Variants in GPRC5A observed in about 807,000 individuals in gnomAD.
The protein encoded by GPRC5A is G protein-coupled receptor class C group 5 member A.
A neutral mutation model predicts 22.5 loss-of-function variants in GPRC5A; 19 were observed. The observed-to-expected ratio is 0.85, with a 90% CI of 0.59 to 1.24. The LOEUF is 1.24. GPRC5A is among the 50% of genes most tolerant of loss of function. The pLI, the probability that GPRC5A is intolerant of heterozygous loss-of-function variation, is 0.00. For synonymous variants in GPRC5A, 192 were observed against 184.5 expected (o/e 1.04, Z -0.33); for missense variants, 471 against 451.1 (o/e 1.04, Z -0.40).
At chr12:12,911,739 C>G (rs138373064) in intron 2 of GPRC5A, among the ~76,000 whole-genome samples, 2 of 152,142 alleles carry the variant, frequency 1.3e-5, no homozygotes, top group East Asian at 3.9e-4. Flanking sequence ...CTGCCCACCT[C>G]GGCCGCCCAA....
intron 2 of GPRC5A, among the ~76,000 whole-genome samples, chr12:12,910,785 T>C (rs1863995315): frequency 6.6e-6 from 1 of 152,134 alleles, no homozygotes; most frequent in South Asian, 2.1e-4. Context: ...CTGTTATTTA[T>C]GTACCTGTCA....
rs945231365 is a variant in GPRC5A, at chr12:12,917,914, T to C, written c.*5375T>C. On this transcript the variant is annotated 3_prime_UTR_variant, in exon 4 of 4. Coordinates refer to ENST00000014914, the MANE Select transcript of GPRC5A (RefSeq NM_003979.4). ...ATTTTCTAATCAGAGACAATAACATTTTAAATAAAACAACGACAAAGAAGT... is the reference window on the plus strand; with the variant it reads ...ATTTTCTAATCAGAGACAATAACATCTTAAATAAAACAACGACAAAGAAGT... 7.9e-5 allele frequency: 12 copies of C among 152,070 alleles called. No homozygotes were observed. Among genetic ancestry groups the C allele is most frequent in the African/African-American group, 2.9e-4 (12 of 41,340 alleles). The allele number at this position is 152,070 out of a possible 1,614,324, so 9.4% of individuals were successfully genotyped here. A position where few individuals can be genotyped will look rare whatever the true frequency, so the allele number is the denominator to read the frequency against.
chr12:12,904,450 A>C (rs1459660406), intron 1 of GPRC5A, among the ~76,000 whole-genome samples: 1 of 152,126 alleles, frequency 6.6e-6, no homozygotes, highest in African/African-American at 2.4e-5. Context: ...TGACAGACCC[A>C]CTGTGAGGGA....
In GPRC5A at chr12:12,910,159, C is replaced by G. The variant is rs149760237; in HGVS notation, c.922+988C>G. On this transcript the variant is annotated intron_variant, in intron 2 of 3. Transcript: ENST00000014914. ...GTGGTTTTGGGATAGGAATGAGGAA[C>G]CTCCAAGGCCATGTTCTTAGCTCCA... Among the ~76,000 whole-genome samples, 6 of 152,190 alleles carry G rather than the reference C, an allele frequency of 3.9e-5. No homozygotes were observed. In the East Asian group the frequency reaches 1.2e-3, roughly 29 times the overall value.
intron 1 of GPRC5A, among the ~76,000 whole-genome samples, chr12:12,900,915 A>C (rs1208781116): frequency 2.4e-5 from 2 of 83,980 alleles, no homozygotes; most frequent in Non-Finnish European, 4.5e-5. Context: ...AAAAAAAAAC[A>C]AAAAAAAAAC....
In GPRC5A at chr12:12,915,465, G is replaced by A. The variant is rs1308809259; in HGVS notation, c.*2926G>A. On this transcript the variant is annotated 3_prime_UTR_variant, in exon 4 of 4. Transcript: ENST00000014914. ...CTGCTTTGGCCTCCCACAAGTGCTGGGATTACAGGCGTGAGCTACTGCACC... is the reference window on the plus strand; with the variant it reads ...CTGCTTTGGCCTCCCACAAGTGCTGAGATTACAGGCGTGAGCTACTGCACC... 6.6e-6 allele frequency: 1 copy of A among 152,560 alleles called. No individual in the cohort carries two copies. The highest frequency in any genetic ancestry group is 1.5e-5 in the Non-Finnish European group (1 of 68,336). 9.5% of individuals were successfully genotyped at this position (152,560 alleles called of 1,614,324 possible).
rs149812484 is a variant in GPRC5A, at chr12:12,906,578, A to C, written c.-7-1665A>C. Among the ~76,000 whole-genome samples the C allele has an allele frequency of 4.4e-3, 674 of 152,252 alleles. 8 individuals carry two copies. Among genetic ancestry groups the C allele is most frequent in the Non-Finnish European group, 7.1e-3 (480 of 68,006 alleles). The stretch of plus-strand genomic sequence containing the variant: ...TGTTCCCCCCATCCCCCCAAAAAGG[A>C]GTAAAAATTGGAGCAATACTAAAAA... On this transcript the variant is annotated intron_variant, in intron 1 of 3. Transcript: ENST00000014914.
At position 12,908,506 on chromosome 12, in the gene GPRC5A, T is replaced by A. The variant is rs778320067; in HGVS notation, c.257T>A (p.Ile86Asn). The change falls in exon 2 of 4, where the codon ATC becomes AAC. Residue 86 changes from isoleucine (I) to asparagine (N), a missense_variant. Ile to Asn is a moderately radical substitution (Grantham distance 149, BLOSUM62 -3). Coordinates refer to ENST00000014914, the MANE Select transcript of GPRC5A (RefSeq NM_003979.4). ...LGIFGLTFAF[I>N]IGLDGSTGPT... ...ATCTTTGGCCTCACCTTCGCCTTCA[T>A]CATCGGACTGGACGGGAGCACAGGG... 24 of 1,614,062 alleles carry A rather than the reference T, an allele frequency of 1.5e-5. No homozygotes were observed. In the African/African-American group the frequency reaches 2.3e-4, roughly 15 times the overall value.
intron 1 of GPRC5A, among the ~76,000 whole-genome samples, chr12:12,897,095 C>T (rs971947958): frequency 4.0e-5 from 6 of 151,754 alleles, no homozygotes; most frequent in African/African-American, 9.7e-5. Context: ...GATGTGGTGG[C>T]GCATGCTTGT....
chr12:12,899,573 C>G (rs993142049), intron 1 of GPRC5A, among the ~76,000 whole-genome samples: 2 of 152,066 alleles, frequency 1.3e-5, no homozygotes, highest in Non-Finnish European at 2.9e-5. Flanking sequence ...ATAAAATGGG[C>G]TGTAGGAATG....
chr12:12,909,245 TA>T (rs1863979320), intron 2 of GPRC5A, 74 bp downstream of exon 2: 2 of 1,046,580 alleles, frequency 1.9e-6, no homozygotes, highest in South Asian at 1.6e-5. Context: ...ATTATAACTG[TA>T]AGGAACATGC....
At chr12:12,906,615 G>A (rs1281195111) in intron 1 of GPRC5A, among the ~76,000 whole-genome samples, 2 of 152,156 alleles carry the variant, frequency 1.3e-5, no homozygotes, top group African/African-American at 4.8e-5. Context: ...GAACATGTTA[G>A]CTATGAAGAT....
chr12:12,897,414 G>T (rs1231692359), intron 1 of GPRC5A, among the ~76,000 whole-genome samples: 5 of 120,238 alleles, frequency 4.2e-5, no homozygotes, highest in Non-Finnish European at 8.1e-5. Context: ...AGCATGAGAA[G>T]ACCTTAAATG....
At chr12:12,900,923 A>AACAAAAAAC (rs1863880875) in intron 1 of GPRC5A, among the ~76,000 whole-genome samples, 1 of 109,878 alleles carries the variant, frequency 9.1e-6, no homozygotes, top group Non-Finnish European at 1.9e-5. Context: ...ACAAAAAAAA[A>AACAAAAAAC]ACAACCCAGA....
At chr12:12,911,136 G>T (rs1223804457) in intron 2 of GPRC5A, among the ~76,000 whole-genome samples, 3 of 152,110 alleles carry the variant, frequency 2.0e-5, no homozygotes, top group Non-Finnish European at 2.9e-5. Flanking sequence ...CTTCCAAAGT[G>T]CTGGGATTAC....
intron 1 of GPRC5A, among the ~76,000 whole-genome samples, chr12:12,894,772 G>GTTT (rs56794431): frequency 0.063 from 4,253 of 67,438 alleles, 892 homozygotes; most frequent in Middle Eastern, 0.086. Context: ...GTCTAGGATG[G>GTTT]TTTTTTTTTT....
At position 12,912,635 on chromosome 12, in the gene GPRC5A, G is replaced by C. The variant is rs1049919711; in HGVS notation, c.*96G>C. The C allele has an allele frequency of 1.3e-6, 1 of 758,274 alleles. No homozygotes were observed. Among genetic ancestry groups the C allele is most frequent in the Non-Finnish European group, 2.3e-6 (1 of 426,312 alleles). 47.0% of individuals were successfully genotyped at this position (758,274 alleles called of 1,614,324 possible). Reference sequence around the variant, plus strand: ...AAATCTTGAGTCTTCTGAGAAAACTGTACAAGACACTACGGGAACAGTTTG... The same window carrying C: ...AAATCTTGAGTCTTCTGAGAAAACTCTACAAGACACTACGGGAACAGTTTG... On this transcript the variant is annotated 3_prime_UTR_variant, in exon 4 of 4. Transcript: ENST00000014914.
intron 2 of GPRC5A, among the ~76,000 whole-genome samples, chr12:12,910,725 G>A (rs1394366809): frequency 6.6e-6 from 1 of 152,138 alleles, no homozygotes; most frequent in African/African-American, 2.4e-5. Context: ...ACTCCACCCT[G>A]TGCATCTGTA....
At chr12:12,906,100 T>C (rs994044039) in intron 1 of GPRC5A, among the ~76,000 whole-genome samples, 2 of 152,176 alleles carry the variant, frequency 1.3e-5, no homozygotes, top group African/African-American at 4.8e-5. Flanking sequence ...ACCTGGGTCC[T>C]GGCACCAGAC....
Sources: gnomAD v4.1 joint callset for allele counts (sites outside exome capture counted in the v4.1 genomes callset) on GRCh38, gnomAD v4.1.1 for gene constraint, MANE v1.5 for transcripts, NCBI Gene and HGNC (gene_info 2026-07-23, HGNC 2026-07-21) for gene names.